The following POU6F2 variants were observed in gnomAD, a reference collection of about 807,000 sequenced individuals.
POU6F2 encodes POU domain, class 6, transcription factor 2.
In POU6F2, 31 loss-of-function variants were observed where a neutral mutation model predicts 71.3. That is an observed-to-expected ratio of 0.43 (90% CI 0.33 to 0.59). The LOEUF (loss-of-function observed/expected upper bound fraction) is 0.59. Among genes scored for constraint, POU6F2 ranks in the 20% least tolerant of loss-of-function variants. The pLI, the probability that POU6F2 is intolerant of heterozygous loss-of-function variation, is 0.04. For synonymous variants in POU6F2, 347 were observed against 355.7 expected (o/e 0.98, Z 0.27); for missense variants, 783 against 856.8 (o/e 0.91, Z 1.07).
chr7:39,159,795 G>T (rs1792952617), intron 2 of POU6F2, among the ~76,000 whole-genome samples: 1 of 152,056 alleles, frequency 6.6e-6, no homozygotes, highest in Non-Finnish European at 1.5e-5. Flanking sequence ...CTATGAATTT[G>T]TCAATGAAAC....
intron 2 of POU6F2, among the ~76,000 whole-genome samples, chr7:39,199,867 T>C (rs1331242506): frequency 2.0e-5 from 3 of 152,236 alleles, no homozygotes. Context: ...GTCTTCACCA[T>C]TTATGACCTA....
rs201647432 is a variant in POU6F2 at position 39,165,339 on chromosome 7, AT to A, written c.278-38893del. Among the ~76,000 whole-genome samples, 18 of 152,300 alleles carry A rather than the reference AT, an allele frequency of 1.2e-4. No individual in the cohort carries two copies. In the East Asian group the frequency reaches 3.5e-3, roughly 29 times the overall value. ...AGACCATGAATTTATTTCCACTAAAATTTGAAACGTTGAAACTAGACCAACT... is the reference window on the plus strand; with the variant it reads ...AGACCATGAATTTATTTCCACTAAAATTGAAACGTTGAAACTAGACCAACT... On this transcript the variant is annotated intron_variant, in intron 2 of 9. Coordinates refer to ENST00000518318, the MANE Select transcript of POU6F2 (RefSeq NM_001370959.1).
intron 5 of POU6F2, among the ~76,000 whole-genome samples, chr7:39,361,060 G>A (rs1034842145): frequency 1.3e-5 from 2 of 152,034 alleles, no homozygotes; most frequent in Non-Finnish European, 2.9e-5. Flanking sequence ...GAATTCAACA[G>A]GAAAGAAAGA....
chr7:38,984,589 T>C (rs1170824704), intron 1 of POU6F2, among the ~76,000 whole-genome samples: 1 of 152,154 alleles, frequency 6.6e-6, no homozygotes, highest in Non-Finnish European at 1.5e-5. Context: ...AAAACTAGAA[T>C]TAAAAAACAA....
intron 1 of POU6F2, among the ~76,000 whole-genome samples, chr7:39,065,607 A>T (rs539858165): frequency 6.6e-5 from 10 of 151,654 alleles, no homozygotes; most frequent in Admixed American, 2.0e-4. Context: ...AGCATGAGTG[A>T]GATAGAAGAT....
intron 2 of POU6F2, among the ~76,000 whole-genome samples, chr7:39,190,518 A>T (rs900741170): frequency 1.4e-5 from 2 of 147,448 alleles, no homozygotes; most frequent in African/African-American, 5.0e-5. Flanking sequence ...TGTTATGAAG[A>T]TTAAATGAGA....
intron 4 of POU6F2, among the ~76,000 whole-genome samples, chr7:39,330,292 G>A (rs956241337): frequency 1.3e-5 from 2 of 152,120 alleles, no homozygotes; most frequent in Non-Finnish European, 2.9e-5. Flanking sequence ...AGCATAGCAC[G>A]ATTTTTAGTT....
intron 4 of POU6F2, among the ~76,000 whole-genome samples, chr7:39,332,609 AG>A (rs1785678228): frequency 6.6e-6 from 1 of 152,200 alleles, no homozygotes; most frequent in Non-Finnish European, 1.5e-5. Flanking sequence ...AGAACTTTGA[AG>A]GCATTGGTCC....
chr7:38,986,902 G>T (rs765587346), intron 1 of POU6F2, among the ~76,000 whole-genome samples: 4 of 151,994 alleles, frequency 2.6e-5, no homozygotes, highest in Non-Finnish European at 5.9e-5. Context: ...AAAATATTTT[G>T]AACCTCTTCT....
intron 1 of POU6F2, among the ~76,000 whole-genome samples, chr7:39,013,725 C>A (rs547133851): frequency 3.2e-4 from 48 of 152,274 alleles, no homozygotes; most frequent in East Asian, 1.4e-3. Flanking sequence ...ATGGTCCCTT[C>A]CTTTCTATTA....
At chr7:39,384,896 T>C (rs1445037056) in intron 5 of POU6F2, among the ~76,000 whole-genome samples, 1 of 152,236 alleles carries the variant, frequency 6.6e-6, no homozygotes, top group Admixed American at 6.5e-5. Context: ...TTGGAAGCTT[T>C]GTGTCCTCTA....
intron 6 of POU6F2, among the ~76,000 whole-genome samples, chr7:39,420,601 G>T (rs1323729770): frequency 2.0e-5 from 3 of 152,068 alleles, no homozygotes; most frequent in Non-Finnish European, 4.4e-5. Flanking sequence ...TACAAACATT[G>T]CTTAAAATGC....
chr7:39,201,020 C>T (rs73126408), intron 2 of POU6F2, among the ~76,000 whole-genome samples: 1 of 151,896 alleles, frequency 6.6e-6, no homozygotes, highest in Non-Finnish European at 1.5e-5. Flanking sequence ...GAGTGAGATA[C>T]TGTCTCTCTC....
chr7:39,175,496 G>C (rs770248962), intron 2 of POU6F2, among the ~76,000 whole-genome samples: 1 of 152,064 alleles, frequency 6.6e-6, no homozygotes, highest in Non-Finnish European at 1.5e-5. Flanking sequence ...TTGTCCCTTA[G>C]GCACAGCAAG....
chr7:39,173,018 G>A (rs1793255814), intron 2 of POU6F2, among the ~76,000 whole-genome samples: 1 of 151,896 alleles, frequency 6.6e-6, no homozygotes. Context: ...ACTTTTAAAT[G>A]TTCTAGTAGC....
chr7:39,095,875 TGATC>T (rs1353017927), intron 2 of POU6F2, among the ~76,000 whole-genome samples: 2 of 152,214 alleles, frequency 1.3e-5, no homozygotes, highest in African/African-American at 4.8e-5. Context: ...TTGTTGATCT[TGATC>T]TCCTACTTAG....
At chr7:39,039,262 G>T (rs1025975564) in intron 1 of POU6F2, among the ~76,000 whole-genome samples, 1 of 151,898 alleles carries the variant, frequency 6.6e-6, no homozygotes, top group South Asian at 2.1e-4. Context: ...TAGAATGCTG[G>T]CTTCACATTT....
intron 5 of POU6F2, among the ~76,000 whole-genome samples, chr7:39,354,480 CTG>C (rs1253950533): frequency 1.3e-5 from 2 of 152,190 alleles, no homozygotes; most frequent in African/African-American, 4.8e-5. Context: ...GAAACCTAGG[CTG>C]TGAGATCTGA....
rs570425798 is a variant in POU6F2 at position 39,149,392 on chromosome 7, T to A, written c.278-54843T>A. Among the ~76,000 whole-genome samples the A allele has an allele frequency of 7.4e-4, 112 of 152,366 alleles. No homozygotes were observed. The Middle Eastern group carries it at 0.01, about 14-fold the overall frequency. On this transcript the variant is annotated intron_variant, in intron 2 of 9. Coordinates refer to ENST00000518318, the MANE Select transcript of POU6F2 (RefSeq NM_001370959.1). Reference sequence around the variant, plus strand: ...GTGTTTTTATTTATTTGTTAATTTTTAAAATAAATTTTATTGTGTATAATC... The same window carrying A: ...GTGTTTTTATTTATTTGTTAATTTTAAAAATAAATTTTATTGTGTATAATC...
Sources: allele counts gnomAD v4.1 joint callset (sites outside exome capture counted in the v4.1 genomes callset), GRCh38; gene constraint gnomAD v4.1.1; transcripts MANE v1.5; gene names NCBI Gene and HGNC (gene_info 2026-07-23, HGNC 2026-07-21).